The following LYPLA1 variants were observed in gnomAD, a reference collection of about 807,000 sequenced individuals.
LYPLA1 encodes the protein lysophospholipase 1, also known as acyl-protein thioesterase 1.
In LYPLA1, 17 loss-of-function variants were observed where a neutral mutation model predicts 34.0. That is an observed-to-expected ratio of 0.50 (90% confidence interval 0.34 to 0.75). The LOEUF (loss-of-function observed/expected upper bound fraction) is 0.75, where lower values mean the gene tolerates loss of function less well. LYPLA1 is among the 30% of genes least tolerant of loss of function. The probability of loss-of-function intolerance (pLI) is 0.01; values close to 1 mark genes in which losing one functional copy is unlikely to be tolerated. For missense variants in LYPLA1, 203 were observed against 288.8 expected, an observed-to-expected ratio of 0.70 and a Z score of 2.15; for synonymous variants, 98 against 100.8, an observed-to-expected ratio of 0.97 and a Z score of 0.17.
At chr8:54,101,300 A>G (rs1434679226) in intron 1 of LYPLA1, 3 of 1,068,748 alleles carry the variant, frequency 2.8e-6, no homozygotes, top group Non-Finnish European at 3.4e-6. Context: ...GGAGGCAAAA[A>G]TAAGTTTGAC....
chr8:54,096,826 T>A lies in LYPLA1; in HGVS notation c.101+4082A>T, dbSNP rs549091999. ...TGGGAGGCTGAGGCAGCAGAACTGC[T>A]TGAACCTGGGAGGTGGAGGTTCAGT... On this transcript the variant is annotated intron_variant, in intron 2 of 8. Coordinates refer to ENST00000316963, the MANE Select transcript of LYPLA1 (RefSeq NM_006330.4). Among the ~76,000 whole-genome samples the A allele has an allele frequency of 4.6e-5, 7 of 152,194 alleles. No individual in the cohort carries two copies. In the South Asian group the frequency reaches 1.5e-3, roughly 32 times the overall value.
At chr8:54,058,622 C>G (rs144613837) in intron 5 of LYPLA1, among the ~76,000 whole-genome samples, 260 of 152,036 alleles carry the variant, frequency 1.7e-3, no homozygotes, top group African/African-American at 5.5e-3. Context: ...CTCTGTCTCT[C>G]TCTCTCTCTC....
downstream of LYPLA1, among the ~76,000 whole-genome samples, chr8:54,046,079 A>T (rs1464629696): frequency 6.6e-6 from 1 of 152,116 alleles, no homozygotes; most frequent in African/African-American, 2.4e-5. Flanking sequence ...AATAAAATAA[A>T]ATAAAATTTA....
intron 5 of LYPLA1, among the ~76,000 whole-genome samples, chr8:54,056,089 C>CA (rs978247620): frequency 6.6e-6 from 1 of 152,116 alleles, no homozygotes; most frequent in Non-Finnish European, 1.5e-5. Flanking sequence ...GGCATAAAAA[C>CA]AGACACACAG....
At chr8:54,098,618 T>C (rs7815998) in intron 2 of LYPLA1, among the ~76,000 whole-genome samples, 19,815 of 152,092 alleles carry the variant, frequency 0.13, 3,423 homozygotes, top group African/African-American at 0.4. Flanking sequence ...GTGGCAGAGG[T>C]TGAAGGGAGC....
At chr8:54,079,097 C>A (rs1446294025) in intron 2 of LYPLA1, among the ~76,000 whole-genome samples, 1 of 152,040 alleles carries the variant, frequency 6.6e-6, no homozygotes, top group African/African-American at 2.4e-5. Context: ...CGTGCCTTAG[C>A]CTCCTGAGTA....
intron 2 of LYPLA1, among the ~76,000 whole-genome samples, chr8:54,082,261 G>C (rs1389596343): frequency 1.3e-5 from 2 of 152,204 alleles, no homozygotes; most frequent in African/African-American, 4.8e-5. Flanking sequence ...AGCAGGAGCA[G>C]TAAGACAGAG....
At chr8:54,045,104 AATAGTTT>A (rs1366472603), downstream of LYPLA1, among the ~76,000 whole-genome samples, 1 of 152,216 alleles carries the variant, frequency 6.6e-6, no homozygotes, top group African/African-American at 2.4e-5. Flanking sequence ...ATCCTAAGTA[AATAGTTT>A]CCTTCTCTAG....
intron 2 of LYPLA1, among the ~76,000 whole-genome samples, chr8:54,092,907 T>C (rs1285444116): frequency 6.6e-6 from 1 of 152,184 alleles, no homozygotes; most frequent in Non-Finnish European, 1.5e-5. Context: ...CCTGTAGTAA[T>C]ATGGGTGTAG....
At chr8:54,094,786 G>C (rs1809556634) in intron 2 of LYPLA1, among the ~76,000 whole-genome samples, 1 of 152,164 alleles carries the variant, frequency 6.6e-6, no homozygotes. Flanking sequence ...GATCAAATAA[G>C]AATGAGGATA....
chr8:54,068,929 T>A (rs914524099), intron 2 of LYPLA1, among the ~76,000 whole-genome samples: 1 of 152,158 alleles, frequency 6.6e-6, no homozygotes. Flanking sequence ...CTAATTAAAG[T>A]GTCTAGTATC....
In LYPLA1 at chr8:54,046,810, A is replaced by C. The variant is rs556239055; in HGVS notation, c.*1255T>G. ...GGGTTCTGACTAGCCTTTATTACCC[A>C]TAAGTTTGTTTTCAAATAATTTTTA... is the stretch of plus-strand genomic sequence containing the variant. On this transcript the variant is annotated 3_prime_UTR_variant, in exon 9 of 9. Coordinates refer to ENST00000316963, the MANE Select transcript of LYPLA1 (RefSeq NM_006330.4). 14 of 152,304 alleles carry C rather than the reference A, an allele frequency of 9.2e-5. No homozygotes were observed. Among genetic ancestry groups the C allele is most frequent in the Middle Eastern group, 3.4e-3 (1 of 292 alleles). 9.4% of individuals were successfully genotyped at this position (152,304 alleles called of 1,614,324 possible).
chr8:54,100,299 A>T (rs1586194846), intron 2 of LYPLA1: 1 of 152,762 alleles, frequency 6.5e-6, no homozygotes, highest in East Asian at 1.9e-4. Flanking sequence ...CAGTGAGCTA[A>T]GATCCTGCAA....
At chr8:54,072,261 T>C (rs567730061) in intron 2 of LYPLA1, among the ~76,000 whole-genome samples, 1 of 152,252 alleles carries the variant, frequency 6.6e-6, no homozygotes, top group South Asian at 2.1e-4. Context: ...GACTTAAATG[T>C]AAAACCCCTA....
chr8:54,081,334 C>A (rs1482248788), intron 2 of LYPLA1, among the ~76,000 whole-genome samples: 1 of 151,758 alleles, frequency 6.6e-6, no homozygotes, highest in African/African-American at 2.4e-5. Flanking sequence ...CCACATAGAC[C>A]CTTGTTTTCC....
chr8:54,061,414 C>T (rs750484265), intron 5 of LYPLA1, among the ~76,000 whole-genome samples: 3 of 152,154 alleles, frequency 2.0e-5, no homozygotes, highest in Non-Finnish European at 2.9e-5. Flanking sequence ...GCTGTTTTCT[C>T]CATTTTCCTA....
chr8:54,081,386 G>GA (rs1011503154), intron 2 of LYPLA1, among the ~76,000 whole-genome samples: 10 of 151,676 alleles, frequency 6.6e-5, no homozygotes, highest in African/African-American at 2.4e-4. Context: ...CTCGTCCAAT[G>GA]AAAGAGCTCA....
intron 2 of LYPLA1, chr8:54,073,373 G>A (rs1807644236): frequency 7.6e-6 from 6 of 792,834 alleles, no homozygotes; most frequent in Non-Finnish European, 1.4e-5. Context: ...CATGACACCT[G>A]GCTGCCCAAG....
intron 3 of LYPLA1, among the ~76,000 whole-genome samples, chr8:54,063,596 T>C (rs567217524): frequency 1.0e-3 from 155 of 152,366 alleles, no homozygotes; most frequent in Non-Finnish European, 1.9e-3. Flanking sequence ...AGGACGAAGC[T>C]TGACAGATAC....
Sources: allele counts gnomAD v4.1 joint callset (sites outside exome capture counted in the v4.1 genomes callset), GRCh38; gene constraint gnomAD v4.1.1; transcripts MANE v1.5; gene names NCBI Gene and HGNC (gene_info 2026-07-23, HGNC 2026-07-21).